The following DSCAM variants were observed in gnomAD, a reference collection of about 807,000 sequenced individuals.
The protein encoded by DSCAM is DS cell adhesion molecule.
Under a neutral mutation model 217.7 loss-of-function variants are expected in DSCAM, and 47 were observed. The ratio of observed to expected loss-of-function variants is 0.22; its 90% CI spans 0.17 to 0.28. The LOEUF is 0.28. Ranked by LOEUF, DSCAM falls within the 10% of genes least tolerant of loss-of-function variation. DSCAM has a pLI of 1.00. For synonymous variants in DSCAM, 1,056 were observed against 1,015.3 expected (o/e 1.04, Z -0.76); for missense variants, 2,080 against 2,618.3 (o/e 0.79, Z 4.49).
chr21:40,348,218 T>C (rs1601573741), intron 5 of DSCAM, among the ~76,000 whole-genome samples: 1 of 151,146 alleles, frequency 6.6e-6, no homozygotes. Context: ...CCCACACAGT[T>C]CCTATCAGCC....
intron 1 of DSCAM, among the ~76,000 whole-genome samples, chr21:40,828,905 G>A (rs1465602958): frequency 1.1e-4 from 16 of 152,228 alleles, no homozygotes; most frequent in Non-Finnish European, 1.5e-4. Context: ...TGATCCACCC[G>A]CCTCGGCCTC....
intron 11 of DSCAM, among the ~76,000 whole-genome samples, chr21:40,239,824 A>C (rs1329190802): frequency 6.6e-6 from 1 of 152,228 alleles, no homozygotes; most frequent in African/African-American, 2.4e-5. Context: ...TTTATACAGT[A>C]ACCCTGAATG....
chr21:40,318,039 GTA>G (rs2074218947), intron 8 of DSCAM, among the ~76,000 whole-genome samples: 1 of 152,000 alleles, frequency 6.6e-6, no homozygotes, highest in Non-Finnish European at 1.5e-5. Context: ...ATTCCATGGT[GTA>G]TATGTGCCAC....
chr21:40,164,010 A>G (rs1311504733), intron 16 of DSCAM, among the ~76,000 whole-genome samples: 2 of 151,992 alleles, frequency 1.3e-5, no homozygotes, highest in African/African-American at 2.4e-5. Flanking sequence ...TCCTTCACTT[A>G]CCCATTCATT....
At chr21:40,801,769 C>T (rs1022217715) in intron 1 of DSCAM, among the ~76,000 whole-genome samples, 6 of 152,156 alleles carry the variant, frequency 3.9e-5, no homozygotes, top group African/African-American at 1.4e-4. Context: ...TGGCAGCATG[C>T]ATGTGGTGCT....
chr21:40,345,070 A>G (rs1180793871), intron 6 of DSCAM, among the ~76,000 whole-genome samples: 2 of 151,482 alleles, frequency 1.3e-5, no homozygotes, highest in East Asian at 3.9e-4. Context: ...AAATATGGTG[A>G]TTTTTTTTCA....
chr21:40,551,983 G>A (rs2076633553), intron 3 of DSCAM, among the ~76,000 whole-genome samples: 2 of 152,116 alleles, frequency 1.3e-5, no homozygotes, highest in South Asian at 2.1e-4. Flanking sequence ...CAGTAAGGAG[G>A]CAGCTGATGT....
intron 9 of DSCAM, among the ~76,000 whole-genome samples, chr21:40,305,807 GT>G (rs1170888796): frequency 5.9e-5 from 9 of 152,160 alleles, no homozygotes; most frequent in African/African-American, 2.2e-4. Flanking sequence ...CTATATCTCT[GT>G]TTTGGTACCA....
intron 3 of DSCAM, among the ~76,000 whole-genome samples, chr21:40,657,272 C>A (rs1370758946): frequency 6.6e-6 from 1 of 152,196 alleles, no homozygotes; most frequent in African/African-American, 2.4e-5. Flanking sequence ...GGCAGGCATA[C>A]TCTGCCTAAT....
chr21:40,717,360 A>G (rs2090853249), intron 1 of DSCAM, among the ~76,000 whole-genome samples: 1 of 152,272 alleles, frequency 6.6e-6, no homozygotes, highest in Non-Finnish European at 1.5e-5. Flanking sequence ...ATGAAAACAT[A>G]CATCCACACA....
intron 1 of DSCAM, among the ~76,000 whole-genome samples, 184 bp from the exon 2 acceptor site, chr21:40,708,955 C>T (rs1378716700): frequency 1.3e-5 from 2 of 152,196 alleles, no homozygotes; most frequent in Non-Finnish European, 2.9e-5. Flanking sequence ...AAAAATAAGG[C>T]ACCATCCTAA....
At chr21:40,041,048 C>G (rs964129020) in intron 32 of DSCAM, among the ~76,000 whole-genome samples, 6 of 152,140 alleles carry the variant, frequency 3.9e-5, no homozygotes, top group Non-Finnish European at 8.8e-5. Flanking sequence ...TGGCATGAAT[C>G]TTGAGCTGGT....
intron 1 of DSCAM, among the ~76,000 whole-genome samples, chr21:40,738,207 T>A (rs1316350556): frequency 6.6e-6 from 1 of 152,188 alleles, no homozygotes; most frequent in Non-Finnish European, 1.5e-5. Context: ...GGTTACCAAA[T>A]AAGGTTTTAA....
At chr21:40,585,345 G>A (rs1472807622) in intron 3 of DSCAM, among the ~76,000 whole-genome samples, 7 of 53,576 alleles carry the variant, frequency 1.3e-4, no homozygotes, top group African/African-American at 1.8e-4. Context: ...GCGTGAACCC[G>A]GGAGGCGGAG....
At position 40,170,642 on chromosome 21, in the gene DSCAM, C is replaced by A. The variant is rs141174774; in HGVS notation, c.2948-3354G>T. On this transcript the variant is annotated intron_variant, in intron 15 of 32. Coordinates refer to ENST00000400454, the MANE Select transcript of DSCAM (RefSeq NM_001389.5). ...GGCAGGAAACTTTGGACCTCAAATT[C>A]AATAAAAACTCATGGAATGGATTTC... Among the ~76,000 whole-genome samples the A allele has an allele frequency of 1.7e-3, 264 of 152,274 alleles. 1 individual carries two copies. The highest frequency in any genetic ancestry group is 6.0e-3 in the African/African-American group (251 of 41,558).
At chr21:40,169,755 A>G (rs2090635638) in intron 15 of DSCAM, among the ~76,000 whole-genome samples, 1 of 152,150 alleles carries the variant, frequency 6.6e-6, no homozygotes, top group Non-Finnish European at 1.5e-5. Flanking sequence ...CTGGAGAGAG[A>G]GGAGGTGGGG....
At chr21:40,368,790 T>G (rs2074861908) in intron 4 of DSCAM, among the ~76,000 whole-genome samples, 1 of 152,218 alleles carries the variant, frequency 6.6e-6, no homozygotes, top group Admixed American at 6.5e-5. Context: ...TCAAATCAAA[T>G]GCAATTTGAC....
At chr21:40,341,649 T>G (rs182404489) in intron 6 of DSCAM, among the ~76,000 whole-genome samples, 1 of 152,342 alleles carries the variant, frequency 6.6e-6, no homozygotes, top group African/African-American at 2.4e-5. Context: ...TGTGCTGGTT[T>G]TGCCTGTGCT....
chr21:40,187,919 G>A lies in DSCAM; in HGVS notation c.2622C>T (p.Asp874=), dbSNP rs776739392. ...SCHAINSYGE[D]RGIIQLTVQE... Reference sequence around the variant, plus strand: ...GCACTGTGAGCTGAATTATTCCACGGTCCTCCCCATAAGAATTAATAGCAT... The same window carrying A: ...GCACTGTGAGCTGAATTATTCCACGATCCTCCCCATAAGAATTAATAGCAT... The change falls in exon 13 of 33, where the codon GAC becomes GAT. Residue 874 remains aspartate, a synonymous_variant. Coordinates refer to ENST00000400454, the MANE Select transcript of DSCAM (RefSeq NM_001389.5). The A allele has an allele frequency of 2.5e-6, 4 of 1,613,844 alleles. No individual in the cohort carries two copies. The highest frequency in any genetic ancestry group is 3.4e-6 in the Non-Finnish European group (4 of 1,179,976).
Sources: allele counts gnomAD v4.1 joint callset (sites outside exome capture counted in the v4.1 genomes callset), GRCh38; gene constraint gnomAD v4.1.1; transcripts MANE v1.5; gene names NCBI Gene and HGNC (gene_info 2026-07-23, HGNC 2026-07-21).